STRBP: variants seen among roughly 807,000 people sequenced by gnomAD.
The protein encoded by STRBP is spermatid perinuclear RNA-binding protein.
STRBP carries 13 observed loss-of-function variants against 80.1 expected under a neutral mutation model. That is an observed-to-expected ratio of 0.16 (90% CI 0.11 to 0.26). STRBP has a LOEUF of 0.26. Among genes scored for constraint, STRBP ranks in the 10% least tolerant of loss-of-function variants. STRBP has a pLI of 1.00. For missense variants in STRBP, 485 were observed against 815.2 expected (o/e 0.59, Z 4.93); for synonymous variants, 284 against 291.2 (o/e 0.98, Z 0.25).
At chr9:123,258,790 G>A (rs1429308544) in intron 1 of STRBP, among the ~76,000 whole-genome samples, 10 of 123,436 alleles carry the variant, frequency 8.1e-5, no homozygotes, top group African/African-American at 2.3e-4. Context: ...GACAGAGCGA[G>A]ACTCCGTCTC....
Position 123,124,410 on chromosome 9 carries a change from C to T in STRBP, c.*1187G>A. ...ACTTAGGTCTGCACCCTTTACAGAACAGCACAATGTTACCCACTGATCCAT... is the reference window on the plus strand; with the variant it reads ...ACTTAGGTCTGCACCCTTTACAGAATAGCACAATGTTACCCACTGATCCAT... On this transcript the variant is annotated 3_prime_UTR_variant, in exon 19 of 19. Coordinates refer to ENST00000348403, the MANE Select transcript of STRBP (RefSeq NM_018387.5). The T allele has an allele frequency of 1.0e-6, 1 of 985,414 alleles. No individual in the cohort carries two copies. The highest frequency in any genetic ancestry group is 1.2e-6 in the Non-Finnish European group (1 of 829,934). 61.0% of individuals were successfully genotyped at this position (985,414 alleles called of 1,614,324 possible).
intron 1 of STRBP, among the ~76,000 whole-genome samples, chr9:123,261,477 C>T (rs1433841704): frequency 6.6e-6 from 1 of 152,146 alleles, no homozygotes; most frequent in Non-Finnish European, 1.5e-5. Context: ...ATACAGCCAT[C>T]ACAGGGACCA....
intron 13 of STRBP, among the ~76,000 whole-genome samples, chr9:123,140,551 G>T (rs747846849): frequency 6.6e-6 from 1 of 151,932 alleles, no homozygotes; most frequent in African/African-American, 2.4e-5. Flanking sequence ...CGGAGATTGC[G>T]CCACTGCACT....
At chr9:123,249,686 TA>T (rs1181928385) in intron 1 of STRBP, among the ~76,000 whole-genome samples, 5 of 152,248 alleles carry the variant, frequency 3.3e-5, no homozygotes, top group Admixed American at 3.3e-4. Context: ...TATTTTTAAT[TA>T]AAAAAATATA....
intron 1 of STRBP, among the ~76,000 whole-genome samples, chr9:123,243,570 T>C (rs867774757): frequency 2.0e-4 from 30 of 151,932 alleles, no homozygotes; most frequent in African/African-American, 7.2e-4. Context: ...ACATACCCAA[T>C]AAAGGACTTC....
intron 2 of STRBP, among the ~76,000 whole-genome samples, chr9:123,235,322 A>T (rs2040524662): frequency 1.3e-5 from 2 of 151,488 alleles, no homozygotes; most frequent in South Asian, 4.2e-4. Flanking sequence ...CAAATAAATC[A>T]ATATGTGTAT....
At position 123,179,042 on chromosome 9, in the gene STRBP, TTC is replaced by T; in HGVS notation, c.187_188del (p.Glu63SerfsTer5). 6.2e-7 allele frequency: 1 copy of T among 1,614,134 alleles called. No homozygotes were observed. Among genetic ancestry groups the T allele is most frequent in the Non-Finnish European group, 8.5e-7 (1 of 1,179,992 alleles). On this transcript the variant is annotated frameshift_variant, in exon 4 of 19. Coordinates refer to ENST00000348403, the MANE Select transcript of STRBP (RefSeq NM_018387.5). LOFTEE classifies it high-confidence loss of function. ...NKGTKTEGETEVKKDEAGENY... is the reference protein window; with the variant it reads ...NKGTKTEGETXVKKDEAGENY... ...TTTCTCCGGCCTCATCTTTCTTCAC[TTC>T]TGTCTCACCCTCTGTTTTTGTGCCT...
rs111574996 is a variant in STRBP at position 123,248,418 on chromosome 9, C to T, written c.-301-11452G>A. ...GAGTAGCTGGGATTACAGGCACATG[C>T]CACCATGCCCAGATTTTTTTTATTA... On this transcript the variant is annotated intron_variant, in intron 1 of 18. Coordinates refer to ENST00000348403, the MANE Select transcript of STRBP (RefSeq NM_018387.5). 4.8e-3 allele frequency among the ~76,000 whole-genome samples: 724 copies of T among 152,016 alleles called. 3 individuals are homozygous for T. Among genetic ancestry groups the T allele is most frequent in the Non-Finnish European group, 8.0e-3 (541 of 67,974 alleles).
chr9:123,246,777 T>C (rs1011830308), intron 1 of STRBP, among the ~76,000 whole-genome samples: 4 of 152,156 alleles, frequency 2.6e-5, no homozygotes, highest in Non-Finnish European at 5.9e-5. Flanking sequence ...TGACTGCCAA[T>C]ACAAACAAAT....
intron 1 of STRBP, among the ~76,000 whole-genome samples, chr9:123,267,328 A>AT (rs111270435): frequency 4.0e-5 from 6 of 151,732 alleles, no homozygotes; most frequent in African/African-American, 1.5e-4. Flanking sequence ...TATCCTTTAA[A>AT]TGCCCCACAC....
chr9:123,122,859 C>G lies in STRBP; in HGVS notation c.*2738G>C, dbSNP rs1260068656. The G allele has an allele frequency of 8.1e-6, 8 of 985,732 alleles. No homozygotes were observed. The Admixed American group carries it at 4.9e-4, about 60-fold the overall frequency. 61.1% of individuals were successfully genotyped at this position (985,732 alleles called of 1,614,324 possible). On this transcript the variant is annotated 3_prime_UTR_variant, in exon 19 of 19. Transcript: ENST00000348403. ...TCACACGCTAATTTTAAGCTCTACA[C>G]TGACCTGTAAACTCCCTGACAAGAA...
At chr9:123,244,829 A>G (rs2040766864) in intron 1 of STRBP, among the ~76,000 whole-genome samples, 1 of 152,256 alleles carries the variant, frequency 6.6e-6, no homozygotes, top group African/African-American at 2.4e-5. Flanking sequence ...ATGGAAAATT[A>G]TGACCATTCA....
intron 11 of STRBP, among the ~76,000 whole-genome samples, chr9:123,149,651 T>C (rs1452740755): frequency 6.6e-6 from 1 of 152,214 alleles, no homozygotes; most frequent in East Asian, 1.9e-4. Context: ...ACCTTCACAA[T>C]ATCTAGTGAT....
At chr9:123,166,283 T>A (rs1261767867) in intron 6 of STRBP, among the ~76,000 whole-genome samples, 1 of 152,238 alleles carries the variant, frequency 6.6e-6, no homozygotes, top group Non-Finnish European at 1.5e-5. Flanking sequence ...TACGGCAGTT[T>A]GAGTAGGTGC....
In STRBP at chr9:123,207,738, G is replaced by A. The variant is rs571853376; in HGVS notation, c.-164-23440C>T. On this transcript the variant is annotated intron_variant, in intron 2 of 18. Transcript: ENST00000348403. Reference sequence around the variant, plus strand: ...CCCAGAACTTAAAGTATAATAAAAAGTTCAAAAAAAGAACACATCAGGGAG... The same window carrying A: ...CCCAGAACTTAAAGTATAATAAAAAATTCAAAAAAAGAACACATCAGGGAG... 9.2e-5 allele frequency among the ~76,000 whole-genome samples: 14 copies of A among 151,802 alleles called. No homozygotes were observed. The South Asian group carries it at 2.9e-3, about 32-fold the overall frequency.
At position 123,146,841 on chromosome 9, in the gene STRBP, A is replaced by G; in HGVS notation, c.1338+14T>C. ...AAAATAAGAAAGCATTGCAAAGTAA[A>G]ACAAATACTGTACCTTCACCGCTAC... On this transcript the variant is annotated intron_variant, in intron 13 of 18. Transcript: ENST00000348403. 6.3e-7 allele frequency: 1 copy of G among 1,587,716 alleles called. No homozygotes were observed.
chr9:123,145,770 G>C (rs901284247), intron 13 of STRBP, among the ~76,000 whole-genome samples: 4 of 151,986 alleles, frequency 2.6e-5, no homozygotes, highest in African/African-American at 9.6e-5. Flanking sequence ...CCTCATTGTT[G>C]GTTTTCTTTT....
chr9:123,124,144 T>A lies in STRBP; in HGVS notation c.*1453A>T. 1.0e-6 allele frequency: 1 copy of A among 985,468 alleles called. No homozygotes were observed. The highest frequency in any genetic ancestry group is 4.7e-5 in the South Asian group (1 of 21,288). The allele number at this position is 985,468 out of a possible 1,614,324, so 61.0% of individuals were successfully genotyped here. On this transcript the variant is annotated 3_prime_UTR_variant, in exon 19 of 19. Coordinates refer to ENST00000348403, the MANE Select transcript of STRBP (RefSeq NM_018387.5). ...GTCCCGAAGGAATTTGGTACATACA[T>A]TTGCCATATTTTGTGAAGCCCATTC...
At chr9:123,249,181 C>G (rs12352446) in intron 1 of STRBP, among the ~76,000 whole-genome samples, 1 of 151,978 alleles carries the variant, frequency 6.6e-6, no homozygotes, top group Non-Finnish European at 1.5e-5. Context: ...AGTTGGAAAC[C>G]GCAGGTCACA....
Sources: allele counts gnomAD v4.1 joint callset (sites outside exome capture counted in the v4.1 genomes callset), GRCh38; gene constraint gnomAD v4.1.1; transcripts MANE v1.5; gene names NCBI Gene and HGNC (gene_info 2026-07-23, HGNC 2026-07-21).